The following CPED1 variants were observed in gnomAD, a reference collection of about 807,000 sequenced individuals.
CPED1 encodes the protein cadherin like and PC-esterase domain containing 1, also known as cadherin-like and PC-esterase domain-containing protein 1.
A neutral mutation model predicts 128.2 loss-of-function variants in CPED1; 114 were observed. The observed-to-expected ratio is 0.89, with a 90% CI of 0.76 to 1.04. CPED1 has a LOEUF of 1.04. CPED1 is among the 50% of genes least tolerant of loss of function. The probability of loss-of-function intolerance (pLI) is 0.00; values close to 1 mark genes in which losing one functional copy is unlikely to be tolerated. For synonymous variants in CPED1, 462 were observed against 426.7 expected (o/e 1.08, Z -1.02); for missense variants, 1,211 against 1,207.1 (o/e 1.00, Z -0.05).
At chr7:121,030,043 T>A (rs964573738) in intron 3 of CPED1, among the ~76,000 whole-genome samples, 1 of 152,178 alleles carries the variant, frequency 6.6e-6, no homozygotes, top group Non-Finnish European at 1.5e-5. Flanking sequence ...AATCAAATAC[T>A]GGCAAATACA....
Position 121,211,671 on chromosome 7 carries a change from A to C in CPED1, c.2056-25043A>C, listed in dbSNP as rs568894909. ...GCTGAGCATGTGACAGAGGAGGGAA[A>C]CCTGGTGACTTCAGCTGAGTGGAGA... On this transcript the variant is annotated intron_variant, in intron 16 of 22. Coordinates refer to ENST00000310396, the MANE Select transcript of CPED1 (RefSeq NM_024913.5). Among the ~76,000 whole-genome samples the C allele has an allele frequency of 6.1e-4, 93 of 152,166 alleles. 1 individual carries two copies. The highest frequency in any genetic ancestry group is 2.1e-3 in the African/African-American group (88 of 41,566).
intron 22 of CPED1, among the ~76,000 whole-genome samples, chr7:121,276,883 G>A (rs780969680): frequency 2.0e-5 from 3 of 152,106 alleles, no homozygotes; most frequent in Non-Finnish European, 4.4e-5. Context: ...TCCTGTAGGT[G>A]ATGGAGACCC....
chr7:121,079,973 A>G (rs998550461), intron 5 of CPED1, among the ~76,000 whole-genome samples: 1 of 152,232 alleles, frequency 6.6e-6, no homozygotes, highest in African/African-American at 2.4e-5. Flanking sequence ...GAAGAAGTGA[A>G]AAGAAAGATA....
chr7:121,050,872 C>T (rs1276199058), intron 4 of CPED1: 1 of 475,650 alleles, frequency 2.1e-6, no homozygotes, highest in East Asian at 6.4e-5. Flanking sequence ...ACGATGAGGC[C>T]TGCAGGCACC....
At position 121,194,048 on chromosome 7, in the gene CPED1, A is replaced by AT. The variant is rs68159246; in HGVS notation, c.2056-42648dup. Among the ~76,000 whole-genome samples the AT allele has an allele frequency of 2.3e-3, 108 of 47,432 alleles. 1 individual carries two copies. Among genetic ancestry groups the AT allele is most frequent in the South Asian group, 8.1e-3 (7 of 866 alleles). The allele number at this position is 47,432 out of a possible 152,430, so 31.1% of individuals were successfully genotyped here. On this transcript the variant is annotated intron_variant, in intron 16 of 22. Transcript: ENST00000310396. Reference sequence around the variant, plus strand: ...TATATATATATATATATATATATATATTTTTTTTTTTTTTTTTTGAGACAG... The same window carrying AT: ...TATATATATATATATATATATATATATTTTTTTTTTTTTTTTTTTGAGACAG...
intron 16 of CPED1, among the ~76,000 whole-genome samples, chr7:121,199,277 C>A (rs757355628): frequency 6.6e-6 from 1 of 151,966 alleles, no homozygotes; most frequent in Non-Finnish European, 1.5e-5. Flanking sequence ...AGTGTGAACA[C>A]CTTGGAGAAT....
chr7:121,247,887 G>A (rs1243670711), intron 18 of CPED1, among the ~76,000 whole-genome samples: 1 of 152,136 alleles, frequency 6.6e-6, no homozygotes, highest in Non-Finnish European at 1.5e-5. Flanking sequence ...GAAGAAAATA[G>A]GGCCAACTTC....
intron 18 of CPED1, among the ~76,000 whole-genome samples, chr7:121,261,085 C>T (rs940187156): frequency 6.6e-6 from 1 of 151,962 alleles, no homozygotes; most frequent in Non-Finnish European, 1.5e-5. Flanking sequence ...GTCCTGGTTA[C>T]TTTTGGTGAT....
At chr7:121,216,994 T>G (rs1797773617) in intron 16 of CPED1, among the ~76,000 whole-genome samples, 1 of 152,156 alleles carries the variant, frequency 6.6e-6, no homozygotes, top group African/African-American at 2.4e-5. Flanking sequence ...TATTCCTTAC[T>G]TATTATCTGG....
chr7:121,038,076 T>G (rs1450111976), intron 3 of CPED1, among the ~76,000 whole-genome samples: 1 of 152,158 alleles, frequency 6.6e-6, no homozygotes, highest in African/African-American at 2.4e-5. Flanking sequence ...AATCATATCA[T>G]CAGCAAGCAG....
rs142711076 is a variant in CPED1 at position 121,208,582 on chromosome 7, T to C, written c.2056-28132T>C. On this transcript the variant is annotated intron_variant, in intron 16 of 22. Transcript: ENST00000310396. ...TTGGATTTGTACAGGGTCACAAAGA[T>C]GGTGAATGGTAGAGTTAACATTTGA... is the stretch of plus-strand genomic sequence containing the variant. Among the ~76,000 whole-genome samples the C allele has an allele frequency of 2.6e-3, 403 of 152,120 alleles. 3 individuals are homozygous for C. Among genetic ancestry groups the C allele is most frequent in the African/African-American group, 9.2e-3 (383 of 41,524 alleles).
chr7:121,036,078 G>A (rs963630090), intron 3 of CPED1, among the ~76,000 whole-genome samples: 3 of 151,970 alleles, frequency 2.0e-5, no homozygotes, highest in African/African-American at 7.2e-5. Flanking sequence ...GAGGGAAATA[G>A]TAATAAAGGT....
chr7:121,201,497 A>C (rs1446641258), intron 16 of CPED1, among the ~76,000 whole-genome samples: 3 of 151,530 alleles, frequency 2.0e-5, no homozygotes, highest in Non-Finnish European at 4.4e-5. Context: ...AGAGAGAGAG[A>C]GAGAAGGAAA....
At chr7:121,227,716 T>C (rs972006196) in intron 16 of CPED1, among the ~76,000 whole-genome samples, 1 of 152,092 alleles carries the variant, frequency 6.6e-6, no homozygotes, top group Non-Finnish European at 1.5e-5. Flanking sequence ...AAAATGAAGA[T>C]AGGAGTTGTT....
chr7:120,993,916 T>C, intron 2 of CPED1: 1 of 287,396 alleles, frequency 3.5e-6, no homozygotes, highest in South Asian at 2.7e-5. Flanking sequence ...GTTTTTTGGC[T>C]TCTCAGGGCA....
At chr7:121,048,722 A>G (rs1793276594) in intron 4 of CPED1, among the ~76,000 whole-genome samples, 1 of 152,092 alleles carries the variant, frequency 6.6e-6, no homozygotes, top group African/African-American at 2.4e-5. Context: ...TATTTTTAGT[A>G]GAGACGGGGT....
In CPED1 at chr7:121,160,643, C is replaced by T. The variant is rs1361701168; in HGVS notation, c.2055+18502C>T. On this transcript the variant is annotated intron_variant, in intron 16 of 22. Transcript: ENST00000310396. ...AAGGGAGAAAGAGAGTGATGAGATA[C>T]TGCTGCTGGTAAGGTTCGCCAGGCT... 2.0e-5 allele frequency among the ~76,000 whole-genome samples: 3 copies of T among 152,142 alleles called. No individual in the cohort carries two copies. In the East Asian group the frequency reaches 5.8e-4, roughly 29 times the overall value.
intron 12 of CPED1, among the ~76,000 whole-genome samples, chr7:121,133,250 T>G (rs11768783): frequency 6.6e-6 from 1 of 152,014 alleles, no homozygotes; most frequent in African/African-American, 2.4e-5. Context: ...GTCCCAAATT[T>G]GAGGATTTAA....
At chr7:121,209,806 G>A (rs537605219) in intron 16 of CPED1, among the ~76,000 whole-genome samples, 2 of 152,060 alleles carry the variant, frequency 1.3e-5, no homozygotes, top group East Asian at 3.9e-4. Context: ...AATAATCAAA[G>A]TGAAGAGACA....
Sources: gnomAD v4.1 joint callset for allele counts (sites outside exome capture counted in the v4.1 genomes callset) on GRCh38, gnomAD v4.1.1 for gene constraint, MANE v1.5 for transcripts, NCBI Gene and HGNC (gene_info 2026-07-23, HGNC 2026-07-21) for gene names.